FSTL4: variants seen among roughly 807,000 people sequenced by gnomAD.
FSTL4 encodes follistatin-related protein 4.
A neutral mutation model predicts 78.2 loss-of-function variants in FSTL4; 28 were observed. The ratio of observed to expected loss-of-function variants is 0.36; its 90% CI spans 0.27 to 0.49. The LOEUF (loss-of-function observed/expected upper bound fraction) is 0.49, where lower values mean the gene tolerates loss of function less well. Ranked by LOEUF, FSTL4 falls within the 20% of genes least tolerant of loss-of-function variation. The pLI is 0.98. For synonymous variants in FSTL4, 422 were observed against 440.5 expected, an observed-to-expected ratio of 0.96 and a Z score of 0.53; for missense variants, 922 against 1,084.9, an observed-to-expected ratio of 0.85 and a Z score of 2.11.
chr5:133,486,536 T>A (rs1475665883), intron 3 of FSTL4, among the ~76,000 whole-genome samples: 1 of 152,182 alleles, frequency 6.6e-6, no homozygotes, highest in African/African-American at 2.4e-5. Flanking sequence ...TGAAAGCGCA[T>A]TTGAGGAGAT....
At chr5:133,709,620 A>G in the FSTL4 span, among the ~76,000 whole-genome samples, 1 of 152,124 alleles carries the variant, frequency 6.6e-6, no homozygotes, top group Non-Finnish European at 1.5e-5. Flanking sequence ...ACCTTCCTGG[A>G]ACAGTGACTT....
At chr5:133,818,056 C>T in the FSTL4 span, among the ~76,000 whole-genome samples, 1 of 152,252 alleles carries the variant, frequency 6.6e-6, no homozygotes, top group Admixed American at 6.5e-5. Flanking sequence ...GAACTTCGAT[C>T]CAAGAATCTC....
At position 133,544,196 on chromosome 5, in the gene FSTL4, T is replaced by C. The variant is rs73788140; in HGVS notation, c.160+22990A>G. Among the ~76,000 whole-genome samples the C allele has an allele frequency of 5.3e-3, 808 of 152,316 alleles. 7 individuals are homozygous for C. The highest frequency in any genetic ancestry group is 0.019 in the African/African-American group (778 of 41,586). On this transcript the variant is annotated intron_variant, in intron 3 of 15. Transcript: ENST00000265342. ...AATTAAAATTAAATTAATTCCCAAA[T>C]ATTAACCCAAATATTGCCACTTTCT...
At chr5:133,797,479 T>C in the FSTL4 span, among the ~76,000 whole-genome samples, 18 of 152,360 alleles carry the variant, frequency 1.2e-4, no homozygotes, top group Admixed American at 9.8e-4. Context: ...CCACAAAGGC[T>C]CTGTTCCATC....
intron 4 of FSTL4, among the ~76,000 whole-genome samples, chr5:133,334,602 CTG>C (rs1673628195): frequency 6.6e-6 from 1 of 152,192 alleles, no homozygotes; most frequent in Non-Finnish European, 1.5e-5. Context: ...CATTTTCTCT[CTG>C]TGTTATGCTT....
chr5:133,365,850 C>T (rs960707066), intron 4 of FSTL4, among the ~76,000 whole-genome samples: 1 of 152,208 alleles, frequency 6.6e-6, no homozygotes, highest in African/African-American at 2.4e-5. Flanking sequence ...ACCAGGGCCA[C>T]GGGTATTAAC....
intron 3 of FSTL4, among the ~76,000 whole-genome samples, chr5:133,406,554 C>T (rs148364467): frequency 1.2e-4 from 18 of 152,334 alleles, no homozygotes; most frequent in African/African-American, 4.3e-4. Context: ...CCTCCACACT[C>T]CTAGATGCCC....
intron 4 of FSTL4, among the ~76,000 whole-genome samples, chr5:133,376,022 A>G (rs142464369): frequency 6.6e-6 from 1 of 152,250 alleles, no homozygotes; most frequent in African/African-American, 2.4e-5. Flanking sequence ...TCAATGCGAT[A>G]CAAATCAAAT....
At chr5:133,548,466 T>C (rs1759626033) in intron 3 of FSTL4, among the ~76,000 whole-genome samples, 1 of 152,120 alleles carries the variant, frequency 6.6e-6, no homozygotes, top group African/African-American at 2.4e-5. Flanking sequence ...AATCATATCC[T>C]AGGAATAAGG....
intron 2 of FSTL4, among the ~76,000 whole-genome samples, chr5:133,595,766 A>T (rs1760725001): frequency 6.6e-6 from 1 of 152,226 alleles, no homozygotes. Context: ...CTTAGTGCTC[A>T]TGACAACCCT....
chr5:133,623,034 A>G, the FSTL4 span, among the ~76,000 whole-genome samples: 1 of 151,996 alleles, frequency 6.6e-6, no homozygotes, highest in Non-Finnish European at 1.5e-5. Context: ...TCACAATTAA[A>G]TCTGTCTCCA....
At chr5:133,821,302 C>T in the FSTL4 span, among the ~76,000 whole-genome samples, 9 of 152,304 alleles carry the variant, frequency 5.9e-5, no homozygotes, top group East Asian at 1.4e-3. Flanking sequence ...GAGCTAAAGA[C>T]AGACCCTCCC....
chr5:133,293,442 TG>T lies in FSTL4; in HGVS notation c.727+19211del, dbSNP rs1354961872. Among the ~76,000 whole-genome samples, 4 of 152,352 alleles carry T rather than the reference TG, an allele frequency of 2.6e-5. No individual in the cohort carries two copies. The East Asian group carries it at 7.7e-4, about 29-fold the overall frequency. On this transcript the variant is annotated intron_variant, in intron 6 of 15. Coordinates refer to ENST00000265342, the MANE Select transcript of FSTL4 (RefSeq NM_015082.2). ...GCTTCCTTGACATGCCCAAACTCTG[TG>T]GCCTGCATGTCTTTGGCAGAGAATG...
upstream of FSTL4, among the ~76,000 whole-genome samples, chr5:133,615,108 G>A (rs393092): frequency 0.061 from 9,304 of 152,214 alleles, 311 homozygotes; most frequent in Non-Finnish European, 0.073. Context: ...TCAGGAGGAA[G>A]CAAGGCACTT....
chr5:133,556,728 G>C (rs2112933602), intron 3 of FSTL4, among the ~76,000 whole-genome samples: 1 of 152,232 alleles, frequency 6.6e-6, no homozygotes, highest in East Asian at 1.9e-4. Context: ...CCCCCATCCT[G>C]TGTTCCTGTC....
chr5:133,378,862 T>C (rs1302377284), intron 4 of FSTL4, among the ~76,000 whole-genome samples: 1 of 152,046 alleles, frequency 6.6e-6, no homozygotes, highest in Non-Finnish European at 1.5e-5. Flanking sequence ...AACAGAGGAA[T>C]AAATGAAATG....
At position 133,426,138 on chromosome 5, in the gene FSTL4, C is replaced by G. The variant is rs1043965194; in HGVS notation, c.161-25152G>C. 2.8e-4 allele frequency among the ~76,000 whole-genome samples: 43 copies of G among 152,172 alleles called. No individual in the cohort carries two copies. The highest frequency in any genetic ancestry group is 1.0e-3 in the African/African-American group (42 of 41,444). On this transcript the variant is annotated intron_variant, in intron 3 of 15. Transcript: ENST00000265342. The surrounding 1 kb of genome is among the most constrained non-coding windows in gnomAD (Gnocchi z 5.0). ...TTGCCCCAACATCCCTGAGAGTGTG[C>G]CTTTGATCTCAAAAGAAGTCATCTT...
chr5:133,808,680 C>T, the FSTL4 span, among the ~76,000 whole-genome samples: 2 of 152,050 alleles, frequency 1.3e-5, no homozygotes, highest in Non-Finnish European at 2.9e-5. Context: ...AAATATTTTC[C>T]CTCACATCTC....
the FSTL4 span, among the ~76,000 whole-genome samples, chr5:133,680,909 G>C: frequency 7.5e-6 from 1 of 132,974 alleles, no homozygotes. Flanking sequence ...CTTGCTCTAG[G>C]TGATGCAGCT....
Sources: allele counts gnomAD v4.1 joint callset (sites outside exome capture counted in the v4.1 genomes callset), GRCh38; gene constraint gnomAD v4.1.1; non-coding constraint Gnocchi (gnomAD v3.1); transcripts MANE v1.5; gene names NCBI Gene and HGNC (gene_info 2026-07-23, HGNC 2026-07-21).